ADAM12: variants seen among roughly 807,000 people sequenced by gnomAD.
The protein encoded by ADAM12 is ADAM metallopeptidase domain 12.
A neutral mutation model predicts 106.4 loss-of-function variants in ADAM12; 70 were observed. The observed-to-expected ratio is 0.66, with a 90% CI of 0.54 to 0.80. The LOEUF is 0.80. Ranked by LOEUF, ADAM12 falls within the 30% of genes least tolerant of loss-of-function variation. ADAM12 has a pLI of 0.00. For missense variants in ADAM12, 1,010 were observed against 1,171.9 expected (o/e 0.86, Z 2.02); for synonymous variants, 420 against 433.5 (o/e 0.97, Z 0.39).
At chr10:126,294,915 T>TGG (rs397845055) in intron 2 of ADAM12, among the ~76,000 whole-genome samples, 1 of 146,014 alleles carries the variant, frequency 6.8e-6, no homozygotes, top group Non-Finnish European at 1.5e-5. Flanking sequence ...TGTGTGTGTG[T>TGG]ATGTGTGTGT....
At chr10:126,153,276 T>C (rs894354296) in intron 4 of ADAM12, among the ~76,000 whole-genome samples, 1 of 152,210 alleles carries the variant, frequency 6.6e-6, no homozygotes, top group Non-Finnish European at 1.5e-5. Flanking sequence ...TTATTGTTGG[T>C]TTAGTTGTCA....
At chr10:126,307,604 G>A (rs565133858) in intron 2 of ADAM12, among the ~76,000 whole-genome samples, 36 of 152,088 alleles carry the variant, frequency 2.4e-4, no homozygotes, top group African/African-American at 7.2e-4. Flanking sequence ...GCAGTGGCGC[G>A]ATCTCGGCTC....
intron 2 of ADAM12, among the ~76,000 whole-genome samples, chr10:126,306,288 T>C (rs1339338235): frequency 4.6e-5 from 7 of 152,130 alleles, no homozygotes; most frequent in Admixed American, 3.9e-4. Context: ...CCCAGACTTA[T>C]TATTAACTTA....
intron 3 of ADAM12, among the ~76,000 whole-genome samples, chr10:126,171,812 G>C (rs1957125494): frequency 6.6e-6 from 1 of 152,216 alleles, no homozygotes; most frequent in Non-Finnish European, 1.5e-5. Context: ...AAAGGACCCA[G>C]CAAGTAGAAT....
At chr10:126,021,083 G>A (rs1953758632) in intron 21 of ADAM12, among the ~76,000 whole-genome samples, 1 of 151,952 alleles carries the variant, frequency 6.6e-6, no homozygotes, top group Non-Finnish European at 1.5e-5. Flanking sequence ...GGGTTCATTG[G>A]AGCTGTGTCC....
intron 1 of ADAM12, among the ~76,000 whole-genome samples, chr10:126,377,380 C>T (rs4537677): frequency 0.66 from 99,611 of 152,040 alleles, 32,852 homozygotes; most frequent in Admixed American, 0.73. Context: ...CTGAAGAGCC[C>T]GGAGTCCGAT....
At chr10:126,346,361 G>A (rs1198766895) in intron 1 of ADAM12, among the ~76,000 whole-genome samples, 2 of 152,148 alleles carry the variant, frequency 1.3e-5, no homozygotes, top group African/African-American at 4.8e-5. Context: ...CTGAGTTCTA[G>A]TTTGATTGCA....
intron 3 of ADAM12, among the ~76,000 whole-genome samples, chr10:126,273,583 A>T (rs1959192443): frequency 6.6e-6 from 1 of 152,164 alleles, no homozygotes; most frequent in Non-Finnish European, 1.5e-5. Flanking sequence ...AAGATTGTAA[A>T]GGTAAGAACC....
intron 3 of ADAM12, among the ~76,000 whole-genome samples, chr10:126,221,772 T>C (rs1205479572): frequency 1.3e-5 from 2 of 152,160 alleles, no homozygotes; most frequent in Middle Eastern, 3.2e-3. Context: ...TCCCAGGAGA[T>C]TAGATCCTTC....
chr10:126,150,565 T>TC (rs1161941396), intron 4 of ADAM12, among the ~76,000 whole-genome samples: 1 of 151,836 alleles, frequency 6.6e-6, no homozygotes, highest in Non-Finnish European at 1.5e-5. Flanking sequence ...TGATGACACC[T>TC]CCCCCACCCT....
intron 3 of ADAM12, among the ~76,000 whole-genome samples, chr10:126,202,158 C>T (rs1359096925): frequency 6.6e-6 from 1 of 152,236 alleles, no homozygotes; most frequent in Non-Finnish European, 1.5e-5. Context: ...GAGATCCACC[C>T]CATGTGGGGA....
At chr10:126,335,992 T>C (rs1056501885) in intron 1 of ADAM12, among the ~76,000 whole-genome samples, 6 of 152,176 alleles carry the variant, frequency 3.9e-5, no homozygotes, top group African/African-American at 1.4e-4. Flanking sequence ...CAGTCTGAGG[T>C]ACTGTCACAG....
intron 6 of ADAM12, among the ~76,000 whole-genome samples, chr10:126,113,251 G>A (rs946094773): frequency 6.6e-6 from 1 of 152,128 alleles, no homozygotes; most frequent in Non-Finnish European, 1.5e-5. Flanking sequence ...GGCGAATGGC[G>A]GACAAGAGTG....
At chr10:126,182,758 T>C (rs1025635346) in intron 3 of ADAM12, among the ~76,000 whole-genome samples, 1 of 152,206 alleles carries the variant, frequency 6.6e-6, no homozygotes, top group African/African-American at 2.4e-5. Flanking sequence ...TTTGCGTCCC[T>C]AGCGTCTCTT....
At chr10:126,236,535 A>G (rs1016657102) in intron 3 of ADAM12, among the ~76,000 whole-genome samples, 4 of 152,040 alleles carry the variant, frequency 2.6e-5, no homozygotes, top group African/African-American at 7.2e-5. Context: ...TGCATGGGAG[A>G]GTGTGGAAAG....
At chr10:126,076,095 A>ATAG (rs1955095027) in intron 11 of ADAM12, among the ~76,000 whole-genome samples, 1 of 152,146 alleles carries the variant, frequency 6.6e-6, no homozygotes, top group South Asian at 2.1e-4. Context: ...CCCCCATCTA[A>ATAG]TAGTCCCCAG....
intron 2 of ADAM12, among the ~76,000 whole-genome samples, chr10:126,317,245 C>T (rs1471947599): frequency 1.3e-5 from 2 of 152,318 alleles, no homozygotes; most frequent in East Asian, 3.9e-4. Context: ...CCGAGGAACA[C>T]AGCCAAGCTA....
intron 3 of ADAM12, among the ~76,000 whole-genome samples, chr10:126,218,996 GTAATGT>G (rs1958039964): frequency 6.6e-6 from 1 of 152,184 alleles, no homozygotes; most frequent in South Asian, 2.1e-4. Context: ...GGCCTGCAAG[GTAATGT>G]TACCCTCAAT....
chr10:126,212,222 A>T (rs568602402), intron 3 of ADAM12, among the ~76,000 whole-genome samples: 1 of 152,322 alleles, frequency 6.6e-6, no homozygotes, highest in African/African-American at 2.4e-5. Context: ...AAACTCCAAA[A>T]AAAGTTTCAT....
Sources: gnomAD v4.1 joint callset for allele counts (sites outside exome capture counted in the v4.1 genomes callset) on GRCh38, gnomAD v4.1.1 for gene constraint, MANE v1.5 for transcripts, NCBI Gene and HGNC (gene_info 2026-07-23, HGNC 2026-07-21) for gene names.